BRI3: variants seen among roughly 807,000 people sequenced by gnomAD.
The protein encoded by BRI3 is membrane protein BRI3.
In BRI3, 6 loss-of-function variants were observed where a neutral mutation model predicts 12.8. The observed-to-expected ratio is 0.47, with a 90% CI of 0.26 to 0.93. The LOEUF (loss-of-function observed/expected upper bound fraction) is 0.93. BRI3 is among the 40% of genes least tolerant of loss of function. The pLI, the probability that BRI3 is intolerant of heterozygous loss-of-function variation, is 0.15. For synonymous variants in BRI3, 91 were observed against 76.1 expected, an observed-to-expected ratio of 1.20 and a Z score of -1.02; for missense variants, 134 against 171.1, an observed-to-expected ratio of 0.78 and a Z score of 1.21.
chr7:98,315,040 G>A (rs2116886846), downstream of BRI3, among the ~76,000 whole-genome samples: 1 of 152,290 alleles, frequency 6.6e-6, no homozygotes, highest in South Asian at 2.1e-4. Flanking sequence ...AGTTTCTCTG[G>A]AATCTTTTCA....
intron 2 of BRI3, among the ~76,000 whole-genome samples, chr7:98,284,089 C>T (rs1003895793): frequency 1.3e-5 from 2 of 152,188 alleles, no homozygotes; most frequent in South Asian, 4.1e-4. Context: ...ATCTTGGGCT[C>T]GGCCCTCAGA....
At position 98,291,371 on chromosome 7, in the gene BRI3, C is replaced by A. The variant is rs915802849; in HGVS notation, c.*128C>A. 6.7e-7 allele frequency: 1 copy of A among 1,493,054 alleles called. No homozygotes were observed. The highest frequency in any genetic ancestry group is 2.5e-4 in the Middle Eastern group (1 of 4,000). The allele number at this position is 1,493,054 out of a possible 1,614,324, so 92.5% of individuals were successfully genotyped here. A position where few individuals can be genotyped will look rare whatever the true frequency, so the allele number is the denominator to read the frequency against. On this transcript the variant is annotated 3_prime_UTR_variant, in exon 3 of 3. Transcript: ENST00000297290. ...AGCGAGGTGGGACCGATGTGGCACA[C>A]GCCAGCTGCGGTTTCCCGGAGCGTG...
downstream of BRI3, among the ~76,000 whole-genome samples, chr7:98,295,750 C>T (rs1400702381): frequency 6.6e-6 from 1 of 152,156 alleles, no homozygotes; most frequent in Admixed American, 6.5e-5. Context: ...ACCAGAAACA[C>T]CCTCCACCCA....
At chr7:98,299,299 GT>G (rs1243384081) in intron 1 of BRI3, among the ~76,000 whole-genome samples, 1 of 151,902 alleles carries the variant, frequency 6.6e-6, no homozygotes, top group Non-Finnish European at 1.5e-5. Flanking sequence ...GATTACAGGT[GT>G]GAGCCACCAC....
chr7:98,289,082 C>T (rs948033265), intron 2 of BRI3, among the ~76,000 whole-genome samples: 2 of 152,080 alleles, frequency 1.3e-5, no homozygotes, highest in Non-Finnish European at 2.9e-5. Flanking sequence ...TTCAGCTTCC[C>T]GAGTAGCTGG....
chr7:98,300,268 G>A (rs1391521128), intron 1 of BRI3, among the ~76,000 whole-genome samples: 1 of 151,646 alleles, frequency 6.6e-6, no homozygotes, highest in Admixed American at 6.6e-5. Flanking sequence ...CATTCCCCCT[G>A]CTCCCTGCTC....
intron 1 of BRI3, among the ~76,000 whole-genome samples, chr7:98,300,407 G>A (rs902893495): frequency 2.0e-5 from 3 of 152,236 alleles, no homozygotes; most frequent in African/African-American, 7.2e-5. Flanking sequence ...TACAGAGGCT[G>A]GATGCGGGTG....
chr7:98,284,846 C>CCCCTGCCCTG (rs758370542), intron 2 of BRI3, among the ~76,000 whole-genome samples: 36 of 152,112 alleles, frequency 2.4e-4, no homozygotes, highest in African/African-American at 6.3e-4. Context: ...TCCTGCTTCA[C>CCCCTGCCCTG]CCCTGCCCTG....
At chr7:98,306,471 A>G (rs746282005), upstream of BRI3, 4 of 1,613,836 alleles carry the variant, frequency 2.5e-6, no homozygotes, top group Non-Finnish European at 3.4e-6. Context: ...CTTCTGTCTC[A>G]TTTTCTTCCA....
intron 2 of BRI3, among the ~76,000 whole-genome samples, chr7:98,287,546 G>GTGGGC (rs1470396708): frequency 1.3e-5 from 2 of 152,216 alleles, no homozygotes; most frequent in East Asian, 3.9e-4. Flanking sequence ...CGGGGCCTGG[G>GTGGGC]TGGGCTGGGC....
At chr7:98,284,540 C>T (rs890900979) in intron 2 of BRI3, among the ~76,000 whole-genome samples, 2 of 152,214 alleles carry the variant, frequency 1.3e-5, no homozygotes, top group Non-Finnish European at 2.9e-5. Context: ...CGCTGCCTGG[C>T]GTCTTGGCCC....
chr7:98,308,104 G>A (rs754685206), exon 2 of BRI3: 66 of 682,330 alleles, frequency 9.7e-5, no homozygotes, highest in Non-Finnish European at 1.5e-4. Flanking sequence ...GCAGCCTGAA[G>A]GCATGCACCG....
intron 2 of BRI3, among the ~76,000 whole-genome samples, chr7:98,289,953 C>A (rs1225579764): frequency 6.6e-6 from 1 of 152,162 alleles, no homozygotes; most frequent in Admixed American, 6.5e-5. Context: ...AAACATTGAA[C>A]TTTGTTGAAG....
downstream of BRI3, among the ~76,000 whole-genome samples, chr7:98,296,195 AG>A (rs1800183999): frequency 6.6e-6 from 1 of 152,210 alleles, no homozygotes; most frequent in Non-Finnish European, 1.5e-5. Flanking sequence ...GTGTTGGAGA[AG>A]GGATGGTCAC....
downstream of BRI3, among the ~76,000 whole-genome samples, chr7:98,313,826 C>T (rs1404087242): frequency 2.7e-5 from 4 of 148,020 alleles, no homozygotes; most frequent in Non-Finnish European, 5.9e-5. Context: ...GATAGGGTCT[C>T]GCTATGCTGC....
At chr7:98,314,920 T>A (rs1181062278), downstream of BRI3, among the ~76,000 whole-genome samples, 1 of 152,226 alleles carries the variant, frequency 6.6e-6, no homozygotes, top group East Asian at 1.9e-4. Flanking sequence ...CATTATTTTA[T>A]GAAGGACTTT....
At chr7:98,311,310 G>A (rs991083908), downstream of BRI3, among the ~76,000 whole-genome samples, 15 of 152,076 alleles carry the variant, frequency 9.9e-5, no homozygotes, top group Non-Finnish European at 1.9e-4. Context: ...TTGGGAGGCC[G>A]AGGTGGGCGG....
exon 2 of BRI3, chr7:98,307,665 G>C (rs374666080): frequency 6.2e-7 from 1 of 1,612,428 alleles, no homozygotes; most frequent in African/African-American, 1.3e-5. Flanking sequence ...GGTGCCCTGC[G>C]GGGACCATCA....
Position 98,286,241 on chromosome 7 carries a change from C to T in BRI3, c.245+3788C>T, listed in dbSNP as rs182959786. ...GGGCGAGGATGGCCTTCTCCCTGGGCAGCTCAGAGCCCTGCTGCCAGCCCC... is the reference window on the plus strand; with the variant it reads ...GGGCGAGGATGGCCTTCTCCCTGGGTAGCTCAGAGCCCTGCTGCCAGCCCC... On this transcript the variant is annotated intron_variant, in intron 2 of 2. Transcript: ENST00000297290. 9.2e-5 allele frequency among the ~76,000 whole-genome samples: 14 copies of T among 152,322 alleles called. No homozygotes were observed. The East Asian group carries it at 2.7e-3, about 29-fold the overall frequency.
Sources: gnomAD v4.1 joint callset for allele counts (sites outside exome capture counted in the v4.1 genomes callset) on GRCh38, gnomAD v4.1.1 for gene constraint, MANE v1.5 for transcripts, NCBI Gene and HGNC (gene_info 2026-07-23, HGNC 2026-07-21) for gene names.